The following ERC1 variants were observed in gnomAD, a reference collection of about 807,000 sequenced individuals.
The protein encoded by ERC1 is ELKS/RAB6-interacting/CAST family member 1, also known as RAB6 interacting protein 2.
Under a neutral mutation model 132.0 loss-of-function variants are expected in ERC1, and 56 were observed. That is an observed-to-expected ratio of 0.42 (90% CI 0.34 to 0.53). The LOEUF is 0.53. Ranked by LOEUF, ERC1 falls within the 20% of genes least tolerant of loss-of-function variation. The probability of loss-of-function intolerance (pLI) is 0.03; values close to 1 mark genes in which losing one functional copy is unlikely to be tolerated. For missense variants in ERC1, 1,202 were observed against 1,349.9 expected (o/e 0.89, Z 1.72); for synonymous variants, 478 against 476.1 (o/e 1.00, Z -0.05).
chr12:1,138,299 TATATGTTGTATATAATAC>T (rs1482580679), intron 7 of ERC1, among the ~76,000 whole-genome samples: 4 of 138,228 alleles, frequency 2.9e-5, no homozygotes, highest in Middle Eastern at 3.4e-3. Flanking sequence ...TATTATATAA[TATATGTTGTATATAATAC>T]ATATGTTGTA....
intron 12 of ERC1, among the ~76,000 whole-genome samples, chr12:1,215,227 G>A (rs948376098): frequency 6.6e-6 from 1 of 152,184 alleles, no homozygotes; most frequent in African/African-American, 2.4e-5. Context: ...GAAAAGAACA[G>A]TGGTGGGCCT....
intron 12 of ERC1, among the ~76,000 whole-genome samples, chr12:1,197,005 G>C (rs1435922798): frequency 9.3e-6 from 1 of 107,238 alleles, no homozygotes; most frequent in Non-Finnish European, 1.8e-5. Context: ...TTTTAAGACA[G>C]ATTTTCCCTC....
At chr12:1,399,796 A>G (rs1301559371) in intron 16 of ERC1, among the ~76,000 whole-genome samples, 1 of 152,060 alleles carries the variant, frequency 6.6e-6, no homozygotes, top group African/African-American at 2.4e-5. Flanking sequence ...AAGTTGTTGG[A>G]TATTTGGGTT....
intron 2 of ERC1, among the ~76,000 whole-genome samples, chr12:1,075,128 T>G (rs1219230833): frequency 6.6e-6 from 1 of 152,174 alleles, no homozygotes; most frequent in Admixed American, 6.5e-5. Flanking sequence ...TGTCTCATTC[T>G]CTGTGGTTCA....
intron 13 of ERC1, among the ~76,000 whole-genome samples, chr12:1,259,520 CTTTTTT>C (rs201786277): frequency 1.8e-5 from 2 of 113,908 alleles, no homozygotes; most frequent in East Asian, 2.4e-4. Flanking sequence ...TTCTTTCTTT[CTTTTTT>C]TTTTTTTTTT....
intron 17 of ERC1, among the ~76,000 whole-genome samples, chr12:1,440,406 C>T (rs187085314): frequency 0.017 from 2,493 of 150,576 alleles, 36 homozygotes; most frequent in Non-Finnish European, 0.023. Context: ...CGGGGTTTCA[C>T]CGTGTTAGCC....
At chr12:1,455,291 T>C (rs2093507048) in intron 18 of ERC1, among the ~76,000 whole-genome samples, 1 of 152,204 alleles carries the variant, frequency 6.6e-6, no homozygotes, top group South Asian at 2.1e-4. Context: ...AGTCACCCTA[T>C]TGATCTGTGG....
intron 12 of ERC1, among the ~76,000 whole-genome samples, chr12:1,214,439 G>T (rs1294745315): frequency 6.6e-6 from 1 of 151,918 alleles, no homozygotes; most frequent in Non-Finnish European, 1.5e-5. Context: ...TACTTGTAAG[G>T]GTTATTATGG....
intron 8 of ERC1, among the ~76,000 whole-genome samples, chr12:1,150,433 T>C (rs2154254051): frequency 6.6e-6 from 1 of 152,362 alleles, no homozygotes; most frequent in South Asian, 2.1e-4. Flanking sequence ...CCATTACATA[T>C]AAATTGATCA....
chr12:1,251,042 A>C (rs1042787877), intron 13 of ERC1, among the ~76,000 whole-genome samples: 4 of 152,232 alleles, frequency 2.6e-5, no homozygotes, highest in African/African-American at 9.6e-5. Flanking sequence ...TATATAGTCA[A>C]TGAAACATTT....
chr12:1,446,301 G>A (rs1354266355), intron 18 of ERC1, among the ~76,000 whole-genome samples: 3 of 152,008 alleles, frequency 2.0e-5, no homozygotes, highest in Admixed American at 1.3e-4. Flanking sequence ...GGAAAGTGAA[G>A]GAAAGAAAAA....
chr12:1,455,957 T>C (rs2154418507), intron 18 of ERC1, among the ~76,000 whole-genome samples: 1 of 152,310 alleles, frequency 6.6e-6, no homozygotes, highest in Middle Eastern at 3.4e-3. Flanking sequence ...GGTGCAGATA[T>C]TGGAAAGACC....
intron 3 of ERC1, among the ~76,000 whole-genome samples, chr12:1,097,464 A>G (rs1944180754): frequency 6.6e-6 from 1 of 152,216 alleles, no homozygotes; most frequent in Non-Finnish European, 1.5e-5. Flanking sequence ...TCTCTACTAA[A>G]TGCCTCTGCT....
In ERC1 at chr12:1,115,851, T is replaced by G; in HGVS notation, c.1402-15T>G. On this transcript the variant is annotated splice_polypyrimidine_tract_variant and intron_variant, in intron 6 of 18. Coordinates refer to ENST00000360905, the MANE Select transcript of ERC1 (RefSeq NM_178040.4). Reference sequence around the variant, plus strand: ...TTATTTCTTTTTTCCTTAAAGTGTTTTACTTCTTTTCTAGATTGGCCAGGT... The same window carrying G: ...TTATTTCTTTTTTCCTTAAAGTGTTGTACTTCTTTTCTAGATTGGCCAGGT... The G allele has an allele frequency of 6.2e-7, 1 of 1,609,572 alleles. No homozygotes were observed. Among genetic ancestry groups the G allele is most frequent in the Non-Finnish European group, 8.5e-7 (1 of 1,177,746 alleles).
At position 1,492,621 on chromosome 12, in the gene ERC1, C is replaced by T. The variant is rs1209520240; in HGVS notation, c.*2391C>T. On this transcript the variant is annotated 3_prime_UTR_variant, in exon 19 of 19. Transcript: ENST00000360905. Reference sequence around the variant, plus strand: ...CCAGAAAAACGGATGGAAGGAAGCCCTCTGTGACACTGCTTCTGAGAAGAA... The same window carrying T: ...CCAGAAAAACGGATGGAAGGAAGCCTTCTGTGACACTGCTTCTGAGAAGAA... 4.3e-6 allele frequency: 1 copy of T among 233,074 alleles called. No individual in the cohort carries two copies. The highest frequency in any genetic ancestry group is 6.0e-5 in the East Asian group (1 of 16,590). The allele number at this position is 233,074 out of a possible 1,614,324, so 14.4% of individuals were successfully genotyped here.
intron 15 of ERC1, among the ~76,000 whole-genome samples, chr12:1,349,255 G>A (rs1278644879): frequency 6.6e-6 from 1 of 152,198 alleles, no homozygotes; most frequent in Non-Finnish European, 1.5e-5. Flanking sequence ...ATAAAACAGT[G>A]TTAGTATGTG....
intron 8 of ERC1, among the ~76,000 whole-genome samples, chr12:1,160,248 C>T (rs552019597): frequency 6.6e-6 from 1 of 152,188 alleles, no homozygotes; most frequent in Admixed American, 6.5e-5. Flanking sequence ...TTGAACAAGC[C>T]CCCAAAAGAT....
chr12:1,266,103 A>G (rs955454105), intron 14 of ERC1, among the ~76,000 whole-genome samples: 1 of 152,128 alleles, frequency 6.6e-6, no homozygotes, highest in Non-Finnish European at 1.5e-5. Context: ...GTAAGATCAT[A>G]TGGTAGGAGT....
intron 11 of ERC1, among the ~76,000 whole-genome samples, chr12:1,187,201 A>T (rs1010498863): frequency 6.6e-5 from 10 of 152,132 alleles, no homozygotes; most frequent in African/African-American, 2.4e-4. Flanking sequence ...TTGAGTTTGT[A>T]TTATAATTTA....
Sources: gnomAD v4.1 joint callset for allele counts (sites outside exome capture counted in the v4.1 genomes callset) on GRCh38, gnomAD v4.1.1 for gene constraint, MANE v1.5 for transcripts, NCBI Gene and HGNC (gene_info 2026-07-23, HGNC 2026-07-21) for gene names.